The following ODR4 variants were observed in gnomAD, a reference collection of about 807,000 sequenced individuals.
ODR4 encodes protein odr-4 homolog.
A neutral mutation model predicts 60.2 loss-of-function variants in ODR4; 47 were observed. That is an observed-to-expected ratio of 0.78 (90% CI 0.62 to 1.00). The LOEUF is 1.00. Among genes scored for constraint, ODR4 ranks in the 50% least tolerant of loss-of-function variants. The pLI is 0.00. For missense variants in ODR4, 488 were observed against 530.8 expected (o/e 0.92, Z 0.79); for synonymous variants, 178 against 175.5 (o/e 1.01, Z -0.11).
chr1:186,426,383 A>G, the ODR4 span, among the ~76,000 whole-genome samples: 1 of 152,198 alleles, frequency 6.6e-6, no homozygotes, highest in African/African-American at 2.4e-5. Context: ...TCAATTATCT[A>G]AAGGCTGTGA....
rs201677689 is a variant in ODR4 at position 186,380,540 on chromosome 1, T to TAATC, written c.99+657_99+660dup. On this transcript the variant is annotated intron_variant, in intron 2 of 13. Coordinates refer to ENST00000287859, the MANE Select transcript of ODR4 (RefSeq NM_017847.6). ...TCTTATGAGTGAAGGAAGAACGTGT[T>TAATC]AATCGGCAGGAGGGACCGGTCAGCA... Among the ~76,000 whole-genome samples the TAATC allele has an allele frequency of 6.8e-3, 1,006 of 147,194 alleles. 19 individuals are homozygous for TAATC. The highest frequency in any genetic ancestry group is 0.024 in the African/African-American group (970 of 39,636).
intron 11 of ODR4, chr1:186,401,484 C>CTT (rs1301673080): frequency 4.7e-6 from 1 of 210,694 alleles, no homozygotes; most frequent in Non-Finnish European, 1.0e-5. Flanking sequence ...GTCTTTCTTT[C>CTT]TCTCTTTCTT....
intron 4 of ODR4, among the ~76,000 whole-genome samples, chr1:186,387,584 C>T (rs957566702): frequency 3.3e-5 from 5 of 152,198 alleles, no homozygotes; most frequent in African/African-American, 1.2e-4. Context: ...ACAAACACTA[C>T]AAGAAACAGC....
At chr1:186,388,911 T>C (rs78005492) in intron 5 of ODR4, among the ~76,000 whole-genome samples, 2,950 of 152,308 alleles carry the variant, frequency 0.019, 86 homozygotes, top group African/African-American at 0.067. Flanking sequence ...CTCCAGTTTC[T>C]ATAGATAAGG....
rs755691723 is a variant in ODR4, at chr1:186,379,752, C to T, written c.-19-15C>T. ...ATTTTACCTAAATGCTGTATCTTTT[C>T]TTCTTGTGATATAGGAGATTTTAGT... is the stretch of plus-strand genomic sequence containing the variant. On this transcript the variant is annotated splice_polypyrimidine_tract_variant and intron_variant, in intron 1 of 13. Coordinates refer to ENST00000287859, the MANE Select transcript of ODR4 (RefSeq NM_017847.6). 1.2e-5 allele frequency: 16 copies of T among 1,345,446 alleles called. No individual in the cohort carries two copies. Among genetic ancestry groups the T allele is most frequent in the Non-Finnish European group, 1.5e-5 (14 of 964,042 alleles). 83.3% of individuals were successfully genotyped at this position (1,345,446 alleles called of 1,614,324 possible). A position where few individuals can be genotyped will look rare whatever the true frequency, so the allele number is the denominator to read the frequency against.
At chr1:186,402,187 A>ATTCTTTCT (rs71104857) in intron 11 of ODR4, among the ~76,000 whole-genome samples, 14,992 of 135,172 alleles carry the variant, frequency 0.11, 1,019 homozygotes, top group Admixed American at 0.15. Context: ...TAGGCATCCT[A>ATTCTTTCT]TTCTTTCTTT....
At chr1:186,401,353 A>G (rs1660937639) in intron 11 of ODR4, 1 of 520,506 alleles carries the variant, frequency 1.9e-6, no homozygotes, top group Non-Finnish European at 3.5e-6. Context: ...TGTGAAGAGC[A>G]TAGACTGTAG....
chr1:186,398,406 C>G lies in ODR4; in HGVS notation c.874C>G (p.His292Asp). The G allele has an allele frequency of 6.2e-7, 1 of 1,608,050 alleles. No individual in the cohort carries two copies. Among genetic ancestry groups the G allele is most frequent in the Non-Finnish European group, 8.5e-7 (1 of 1,176,620 alleles). The change falls in exon 10 of 14, where the codon CAC becomes GAC. Residue 292 changes from histidine (H) to aspartate (D), a missense_variant. By Grantham distance (81) the His-to-Asp change is moderately conservative. Transcript: ENST00000287859. ...TGCTGTGAAATGCAGAGCTTATATC[C>G]ACAGCAGTAAACCCAAAGTTAAAGA... ...KGAVKCRAYI[H>D]SSKPKVKDAV...
At chr1:186,423,443 CTTTT>C (rs34515188), downstream of ODR4, among the ~76,000 whole-genome samples, 2,088 of 44,416 alleles carry the variant, frequency 0.047, 63 homozygotes, top group African/African-American at 0.15. Flanking sequence ...ACTACTTGTG[CTTTT>C]TTTTTTTTTT....
rs184600171 is a variant in ODR4 at position 186,396,571 on chromosome 1, T to C, written c.781-1742T>C. Among the ~76,000 whole-genome samples, 236 of 152,260 alleles carry C rather than the reference T, an allele frequency of 1.5e-3. 1 individual carries two copies. Among genetic ancestry groups the C allele is most frequent in the Middle Eastern group, 6.8e-3 (2 of 294 alleles). ...CTGCAGTGAGCTCTGATAGCATCACTGTACTCTAGGCTGGATGACAGAACA... is the reference window on the plus strand; with the variant it reads ...CTGCAGTGAGCTCTGATAGCATCACCGTACTCTAGGCTGGATGACAGAACA... On this transcript the variant is annotated intron_variant, in intron 9 of 13. Coordinates refer to ENST00000287859, the MANE Select transcript of ODR4 (RefSeq NM_017847.6).
chr1:186,410,783 A>G (rs1661351914), intron 12 of ODR4, among the ~76,000 whole-genome samples: 1 of 152,320 alleles, frequency 6.6e-6, no homozygotes, highest in Middle Eastern at 3.4e-3. Context: ...TGGGAGGCCA[A>G]GGCGGGTGGA....
intron 12 of ODR4, 40 bp from the exon 13 acceptor site, chr1:186,417,504 C>T: frequency 8.9e-7 from 1 of 1,129,400 alleles, no homozygotes; most frequent in Non-Finnish European, 1.3e-6. Flanking sequence ...TGTGTTAATC[C>T]TTATTTTATG....
chr1:186,413,247 C>T (rs1661438707), intron 12 of ODR4, among the ~76,000 whole-genome samples: 1 of 151,344 alleles, frequency 6.6e-6, no homozygotes, highest in Non-Finnish European at 1.5e-5. Context: ...ATTAGGGATG[C>T]TCAACAAGTA....
At position 186,420,905 on chromosome 1, in the gene ODR4, A is replaced by G. The variant is rs964324598; in HGVS notation, c.*1829A>G. 4.6e-5 allele frequency: 7 copies of G among 152,186 alleles called. No individual in the cohort carries two copies. Among genetic ancestry groups the G allele is most frequent in the African/African-American group, 1.2e-4 (5 of 41,450 alleles). 9.4% of individuals were successfully genotyped at this position (152,186 alleles called of 1,614,324 possible). A position where few individuals can be genotyped will look rare whatever the true frequency, so the allele number is the denominator to read the frequency against. ...CATAAATTCAGGAAGCACAATATAT[A>G]CCAAACATATATTTAAATAAAATCC... On this transcript the variant is annotated 3_prime_UTR_variant, in exon 14 of 14. Transcript: ENST00000287859.
At chr1:186,389,713 T>C in intron 6 of ODR4, 89 bp downstream of exon 6, 1 of 875,900 alleles carries the variant, frequency 1.1e-6, no homozygotes, top group Non-Finnish European at 1.8e-6. Context: ...TAATTTCCAT[T>C]GCCATCACTT....
intron 1 of ODR4, among the ~76,000 whole-genome samples, chr1:186,378,931 CAG>C (rs1335825796): frequency 6.6e-6 from 1 of 152,164 alleles, no homozygotes; most frequent in Admixed American, 6.5e-5. Context: ...TGCTCAAGGA[CAG>C]AGATTGTGTT....
intron 12 of ODR4, among the ~76,000 whole-genome samples, chr1:186,413,152 G>A (rs906004924): frequency 3.3e-5 from 5 of 151,922 alleles, no homozygotes; most frequent in African/African-American, 1.2e-4. Flanking sequence ...AATACAAAAT[G>A]CTCCAAAATT....
intron 12 of ODR4, among the ~76,000 whole-genome samples, chr1:186,414,696 A>G (rs865983158): frequency 1.3e-5 from 2 of 151,602 alleles, no homozygotes; most frequent in Non-Finnish European, 2.9e-5. Flanking sequence ...ATTTTTTTGT[A>G]TTTTTAGTAG....
intron 9 of ODR4, among the ~76,000 whole-genome samples, chr1:186,397,212 T>C (rs926273193): frequency 6.6e-6 from 1 of 152,224 alleles, no homozygotes; most frequent in Non-Finnish European, 1.5e-5. Context: ...TCAATAGCTA[T>C]GCATGTCAGT....
Sources: gnomAD v4.1 joint callset for allele counts (sites outside exome capture counted in the v4.1 genomes callset) on GRCh38, gnomAD v4.1.1 for gene constraint, MANE v1.5 for transcripts, NCBI Gene and HGNC (gene_info 2026-07-23, HGNC 2026-07-21) for gene names.